CFAP58: variants seen among roughly 807,000 people sequenced by gnomAD.
The protein encoded by CFAP58 is cilia- and flagella-associated protein 58.
A neutral mutation model predicts 119.5 loss-of-function variants in CFAP58; 88 were observed. The observed-to-expected ratio is 0.74, with a 90% CI of 0.62 to 0.88. CFAP58 has a LOEUF of 0.88. CFAP58 is among the 40% of genes least tolerant of loss of function. The pLI, the probability that CFAP58 is intolerant of heterozygous loss-of-function variation, is 0.00. For synonymous variants in CFAP58, 365 were observed against 366.3 expected, an observed-to-expected ratio of 1.00 and a Z score of 0.04; for missense variants, 990 against 1,021.2, an observed-to-expected ratio of 0.97 and a Z score of 0.42.
chr10:104,381,154 C>A (rs1008881016), intron 9 of CFAP58, among the ~76,000 whole-genome samples: 5 of 142,974 alleles, frequency 3.5e-5, no homozygotes, highest in Non-Finnish European at 5.9e-5. Flanking sequence ...TGTCTCAAAA[C>A]AAACAAACAA....
intron 13 of CFAP58, among the ~76,000 whole-genome samples, chr10:104,401,706 T>C (rs1052077183): frequency 6.6e-6 from 1 of 152,210 alleles, no homozygotes; most frequent in Non-Finnish European, 1.5e-5. Context: ...ATGCAATGAA[T>C]ATATGCAGGA....
intron 9 of CFAP58, among the ~76,000 whole-genome samples, chr10:104,385,830 G>A (rs1301981524): frequency 6.6e-6 from 1 of 152,160 alleles, no homozygotes; most frequent in Non-Finnish European, 1.5e-5. Context: ...ATCAGTGACA[G>A]GAGACTCTCC....
At chr10:104,428,553 G>A (rs373513525) in intron 15 of CFAP58, among the ~76,000 whole-genome samples, 4 of 152,280 alleles carry the variant, frequency 2.6e-5, no homozygotes, top group African/African-American at 9.6e-5. Flanking sequence ...GGAGTGATGC[G>A]TGCTCTTCTC....
At chr10:104,427,857 C>T (rs1018115442) in intron 15 of CFAP58, among the ~76,000 whole-genome samples, 2 of 152,070 alleles carry the variant, frequency 1.3e-5, no homozygotes, top group Non-Finnish European at 2.9e-5. Flanking sequence ...TGTGAAGAAG[C>T]TCCCTCAGCA....
intron 7 of CFAP58, among the ~76,000 whole-genome samples, chr10:104,376,598 T>C (rs2133006834): frequency 6.6e-6 from 1 of 151,602 alleles, no homozygotes; most frequent in African/African-American, 2.4e-5. Context: ...TTTTGGCAAA[T>C]GGATTAATCT....
intron 1 of CFAP58, among the ~76,000 whole-genome samples, chr10:104,358,013 A>G (rs1227677984): frequency 1.5e-5 from 2 of 129,852 alleles, no homozygotes; most frequent in African/African-American, 5.9e-5. Flanking sequence ...ATATACACAT[A>G]TATGTACATA....
At chr10:104,384,659 T>C (rs1433036753) in intron 9 of CFAP58, among the ~76,000 whole-genome samples, 2 of 152,252 alleles carry the variant, frequency 1.3e-5, no homozygotes, top group Non-Finnish European at 1.5e-5. Flanking sequence ...CTTAACCTAA[T>C]AGAAGAAAAT....
At chr10:104,450,294 C>A (rs1317741742) in intron 17 of CFAP58, 90 bp downstream of exon 17, 7 of 1,340,212 alleles carry the variant, frequency 5.2e-6, no homozygotes, top group Non-Finnish European at 7.4e-6. Flanking sequence ...TTGCAAGTTT[C>A]ACTGGGGTAA....
At chr10:104,394,633 A>C (rs2012115101) in intron 11 of CFAP58, among the ~76,000 whole-genome samples, 1 of 152,252 alleles carries the variant, frequency 6.6e-6, no homozygotes, top group Non-Finnish European at 1.5e-5. Context: ...CTGTAACAAA[A>C]GTGCATGTAC....
chr10:104,346,633 C>CTTTTTTTTTTTTTTTTTTTTTTTTTTTT, the CFAP58 span, among the ~76,000 whole-genome samples: 2 of 101,112 alleles, frequency 2.0e-5, no homozygotes, highest in African/African-American at 4.3e-5. Context: ...GCCATTTAGT[C>CTTTTTTTTTTTTTTTTTTTTTTTTTTTT]TTTTTTTTTT....
the CFAP58 span, among the ~76,000 whole-genome samples, chr10:104,340,984 T>C: frequency 6.6e-6 from 1 of 152,174 alleles, no homozygotes; most frequent in Non-Finnish European, 1.5e-5. Flanking sequence ...AAATGTCTTC[T>C]ATAGAAATGA....
chr10:104,342,780 G>A, the CFAP58 span, among the ~76,000 whole-genome samples: 3,672 of 150,288 alleles, frequency 0.024, 115 homozygotes, highest in East Asian at 0.098. Context: ...GGGAGGTGGA[G>A]GTTGCAGCGA....
At chr10:104,376,740 C>A in intron 7 of CFAP58, 71 bp from the exon 8 acceptor site, 2 of 1,215,464 alleles carry the variant, frequency 1.6e-6, no homozygotes, top group Non-Finnish European at 1.2e-6. Flanking sequence ...GTTTTTGTAT[C>A]ACTTCGGCTT....
chr10:104,439,883 G>A (rs968986782), intron 15 of CFAP58, among the ~76,000 whole-genome samples: 2 of 152,052 alleles, frequency 1.3e-5, no homozygotes, highest in African/African-American at 2.4e-5. Flanking sequence ...GCAGTGGCGC[G>A]ATCTCGGCTC....
chr10:104,440,118 G>A (rs941199174), intron 15 of CFAP58, among the ~76,000 whole-genome samples: 2 of 147,960 alleles, frequency 1.4e-5, no homozygotes, highest in South Asian at 2.3e-4. Context: ...CACCGCGCCC[G>A]GCCACTGATT....
In CFAP58 at chr10:104,368,426, T is replaced by C. The variant is rs1054600993; in HGVS notation, c.796T>C (p.Leu266=). The change falls in exon 6 of 18, where the codon TTG becomes CTG. Residue 266 remains leucine, a synonymous_variant. Transcript: ENST00000369704. ...CAGCTCATTCCATCCCTTTCAGATA[T>C]TGAATGAGAGAGCTGCAAAGGAACT... ...LEQQLKEQKI[L]NERAAKELEQ... is the part of the protein sequence containing the mutation. 1 of 1,613,636 alleles carries C rather than the reference T, an allele frequency of 6.2e-7. No individual in the cohort carries two copies. The highest frequency in any genetic ancestry group is 8.5e-7 in the Non-Finnish European group (1 of 1,179,826).
Position 104,447,765 on chromosome 10 carries a change from A to G in CFAP58, c.2324A>G (p.Glu775Gly), listed in dbSNP as rs1015901147. The change falls in exon 16 of 18, where the codon GAA (glutamate) becomes GGA (glycine). Residue 775 changes from glutamate (E) to glycine (G), a missense_variant. Physicochemically the swap from Glu to Gly is moderately conservative, Grantham distance 98 (BLOSUM62 -2). Transcript: ENST00000369704. ...CGCCAGCCTGGACCTGAGGCTGCGG[A>G]ACAGCTGAAGCTGTACCGACGCACG... Reference protein sequence around the residue: ...LARQPGPEAAEQLKLYRRTLH... With the variant: ...LARQPGPEAAGQLKLYRRTLH... 5 of 1,614,024 alleles carry G rather than the reference A, an allele frequency of 3.1e-6. No individual in the cohort carries two copies. The highest frequency in any genetic ancestry group is 4.2e-6 in the Non-Finnish European group (5 of 1,179,984).
intron 15 of CFAP58, among the ~76,000 whole-genome samples, chr10:104,414,549 A>ACAGAGAGG (rs1589927785): frequency 6.9e-6 from 1 of 143,930 alleles, no homozygotes; most frequent in East Asian, 2.3e-4. Flanking sequence ...AAGGTTGTGA[A>ACAGAGAGG]CAGAGAGGCA....
chr10:104,374,561 A>G (rs1264080132), intron 7 of CFAP58, among the ~76,000 whole-genome samples: 1 of 151,864 alleles, frequency 6.6e-6, no homozygotes, highest in African/African-American at 2.4e-5. Flanking sequence ...ATACAAATAA[A>G]TGGTCATTAA....
Sources: allele counts gnomAD v4.1 joint callset (sites outside exome capture counted in the v4.1 genomes callset), GRCh38; gene constraint gnomAD v4.1.1; transcripts MANE v1.5; gene names NCBI Gene and HGNC (gene_info 2026-07-23, HGNC 2026-07-21).